The following KANSL1 variants were observed in gnomAD, a reference collection of about 807,000 sequenced individuals.
The protein encoded by KANSL1 is KAT8 regulatory NSL complex subunit 1, also known as MLL1/MLL complex subunit KANSL1.
Under a neutral mutation model 103.6 loss-of-function variants are expected in KANSL1, and 22 were observed. The observed-to-expected ratio is 0.21, with a 90% CI of 0.15 to 0.30. The LOEUF (loss-of-function observed/expected upper bound fraction) is 0.30. Ranked by LOEUF, KANSL1 falls within the 10% of genes least tolerant of loss-of-function variation. The probability of loss-of-function intolerance (pLI) is 1.00; values close to 1 mark genes in which losing one functional copy is unlikely to be tolerated. For synonymous variants in KANSL1, 600 were observed against 527.6 expected, an observed-to-expected ratio of 1.14 and a Z score of -1.88; for missense variants, 1,337 against 1,399.8, an observed-to-expected ratio of 0.96 and a Z score of 0.72.
intron 2 of KANSL1, among the ~76,000 whole-genome samples, chr17:46,132,718 T>C (rs545178994): frequency 6.6e-6 from 1 of 152,214 alleles, no homozygotes; most frequent in East Asian, 1.9e-4. Flanking sequence ...GAGGCCGAGG[T>C]GGGAGAACCA....
intron 1 of KANSL1, among the ~76,000 whole-genome samples, chr17:46,174,732 C>A (rs2732644): frequency 6.6e-6 from 1 of 151,946 alleles, no homozygotes; most frequent in Non-Finnish European, 1.5e-5. Context: ...TAGAGTGCAG[C>A]GGCACAATCA....
At chr17:46,157,813 GAA>G (rs1459015292) in intron 2 of KANSL1, among the ~76,000 whole-genome samples, 1 of 152,218 alleles carries the variant, frequency 6.6e-6, no homozygotes, top group Non-Finnish European at 1.5e-5. Flanking sequence ...ATCTTACAAA[GAA>G]AAGACTGGCC....
At chr17:46,056,550 C>G (rs182642071) in intron 6 of KANSL1, among the ~76,000 whole-genome samples, 1 of 149,200 alleles carries the variant, frequency 6.7e-6, no homozygotes, top group Admixed American at 6.8e-5. Flanking sequence ...GCTCTCGACT[C>G]TTAATCACTT....
chr17:46,213,489 T>C (rs1325317807), intron 1 of KANSL1, among the ~76,000 whole-genome samples: 7 of 148,872 alleles, frequency 4.7e-5, no homozygotes, highest in Admixed American at 1.3e-4. Flanking sequence ...TTTTTTTTTT[T>C]AGTAGAGACG....
intron 2 of KANSL1, among the ~76,000 whole-genome samples, chr17:46,113,052 G>A (rs2147121215): frequency 6.6e-6 from 1 of 152,190 alleles, no homozygotes; most frequent in African/African-American, 2.4e-5. Context: ...CAATTTAAGT[G>A]GGAAGAAGAC....
chr17:46,149,089 A>G (rs2147465924), intron 2 of KANSL1, among the ~76,000 whole-genome samples: 1 of 144,164 alleles, frequency 6.9e-6, no homozygotes, highest in South Asian at 2.1e-4. Context: ...TGCAAGCTCC[A>G]CCTCCCGGGT....
chr17:46,098,319 C>G (rs923148932), intron 2 of KANSL1, among the ~76,000 whole-genome samples: 40 of 152,246 alleles, frequency 2.6e-4, no homozygotes, highest in African/African-American at 9.6e-4. Context: ...ACCAGGTCCC[C>G]ATCTATCACC....
At chr17:46,121,543 C>T (rs1231699506) in intron 2 of KANSL1, among the ~76,000 whole-genome samples, 1 of 152,186 alleles carries the variant, frequency 6.6e-6, no homozygotes, top group Non-Finnish European at 1.5e-5. Context: ...GCCTTTTTCC[C>T]TGATGACCCT....
At chr17:46,199,764 G>A (rs1464718345) in intron 1 of KANSL1, among the ~76,000 whole-genome samples, 2 of 152,224 alleles carry the variant, frequency 1.3e-5, no homozygotes, top group Admixed American at 6.5e-5. Flanking sequence ...CAATACTGTT[G>A]TAGGTTAAAC....
chr17:46,156,098 A>G (rs1337407180), intron 2 of KANSL1, among the ~76,000 whole-genome samples: 1 of 152,210 alleles, frequency 6.6e-6, no homozygotes, highest in Non-Finnish European at 1.5e-5. Context: ...TGTAATCCCA[A>G]CACTTTTGGG....
At chr17:46,072,924 T>C (rs750117286) in intron 4 of KANSL1, among the ~76,000 whole-genome samples, 1 of 152,234 alleles carries the variant, frequency 6.6e-6, no homozygotes, top group East Asian at 1.9e-4. Flanking sequence ...TAAAGAAATA[T>C]AGCAAATGCA....
At chr17:46,032,700 G>C (rs540109160) in intron 13 of KANSL1, 471 of 333,854 alleles carry the variant, frequency 1.4e-3, no homozygotes, top group Non-Finnish European at 1.9e-3. Context: ...GGACGTTAAG[G>C]GGGGGCAGTT....
intron 2 of KANSL1, among the ~76,000 whole-genome samples, chr17:46,148,809 C>T (rs954233423): frequency 6.6e-6 from 1 of 151,204 alleles, no homozygotes; most frequent in African/African-American, 2.4e-5. Flanking sequence ...TGGTCTGGAA[C>T]GCCTGATCTC....
intron 13 of KANSL1, 21 bp downstream of exon 13, chr17:46,033,059 G>T: frequency 3.2e-6 from 5 of 1,543,494 alleles, no homozygotes; most frequent in Non-Finnish European, 4.4e-6. Context: ...AGGCCCTGGG[G>T]ACCCAAGCCT....
In KANSL1 at chr17:46,189,906, C is replaced by CAAAA. The variant is rs55934305; in HGVS notation, c.-90+2913_-90+2916dup. Among the ~76,000 whole-genome samples the CAAAA allele has an allele frequency of 2.9e-3, 326 of 112,462 alleles. 8 individuals are homozygous for CAAAA. Among genetic ancestry groups the CAAAA allele is most frequent in the Non-Finnish European group, 4.0e-3 (227 of 56,426 alleles). 73.8% of individuals were successfully genotyped at this position (112,462 alleles called of 152,430 possible). ...TGGGCGACAGAACGAGACCCTGCCTCAAAAAAAAAAAAAAAAAAAATTGCT... is the reference window on the plus strand; with the variant it reads ...TGGGCGACAGAACGAGACCCTGCCTCAAAAAAAAAAAAAAAAAAAAAAAATTGCT... On this transcript the variant is annotated intron_variant, in intron 1 of 14. Coordinates refer to ENST00000432791, the MANE Select transcript of KANSL1 (RefSeq NM_015443.4).
chr17:46,200,038 TACACACACACAC>T (rs143234563), intron 1 of KANSL1, among the ~76,000 whole-genome samples: 1 of 147,376 alleles, frequency 6.8e-6, no homozygotes, highest in Non-Finnish European at 1.5e-5. Context: ...TCAATGAGTT[TACACACACACAC>T]ACACACACAC....
Position 46,038,589 on chromosome 17 carries a change from TGAG to T in KANSL1, c.2487_2489del (p.Ser830del), listed in dbSNP as rs1568373517. On this transcript the variant is annotated inframe_deletion, in exon 10 of 15. Transcript: ENST00000432791. ...TAGAGCTGGCGGGTGCAGGGGAATC[TGAG>T]GAGGTGGAGAGCTGTCGCACCAAGG... 24 of 1,613,964 alleles carry T rather than the reference TGAG, an allele frequency of 1.5e-5. No individual in the cohort carries two copies. The highest frequency in any genetic ancestry group is 2.0e-5 in the Non-Finnish European group (24 of 1,180,026).
chr17:46,068,146 CAAG>C (rs66699345), intron 4 of KANSL1, among the ~76,000 whole-genome samples: 21,755 of 152,034 alleles, frequency 0.14, 2,113 homozygotes, highest in Non-Finnish European at 0.22. Context: ...AACTAATGAT[CAAG>C]AAGGATATAC....
intron 2 of KANSL1, among the ~76,000 whole-genome samples, chr17:46,167,627 C>G (rs1468299662): frequency 6.6e-6 from 1 of 151,990 alleles, no homozygotes; most frequent in African/African-American, 2.4e-5. Context: ...GAGTTTAAAA[C>G]AAAAAGGGTA....
Sources: allele counts gnomAD v4.1 joint callset (sites outside exome capture counted in the v4.1 genomes callset), GRCh38; gene constraint gnomAD v4.1.1; transcripts MANE v1.5; gene names NCBI Gene and HGNC (gene_info 2026-07-23, HGNC 2026-07-21).